Variants in MAML3 observed in about 807,000 individuals in gnomAD.
MAML3 encodes the protein mastermind-like protein 3.
A neutral mutation model predicts 101.9 loss-of-function variants in MAML3; 27 were observed. That is an observed-to-expected ratio of 0.27 (90% CI 0.20 to 0.37). MAML3 has a LOEUF of 0.37. MAML3 is among the 10% of genes least tolerant of loss of function. The pLI is 1.00. For missense variants in MAML3, 1,316 were observed against 1,444.9 expected (o/e 0.91, Z 1.45); for synonymous variants, 501 against 555.9 (o/e 0.90, Z 1.39).
At chr4:139,920,920 C>A (rs1046276353) in intron 1 of MAML3, among the ~76,000 whole-genome samples, 1 of 152,160 alleles carries the variant, frequency 6.6e-6, no homozygotes, top group Non-Finnish European at 1.5e-5. Context: ...GGAGAATAGG[C>A]CCTTGCACAC....
chr4:139,917,680 G>T (rs191586600), intron 1 of MAML3, among the ~76,000 whole-genome samples: 1 of 152,140 alleles, frequency 6.6e-6, no homozygotes, highest in Non-Finnish European at 1.5e-5. Flanking sequence ...TTTAAAAAAC[G>T]ATTAGAGAGA....
chr4:139,961,333 C>G (rs768512324), intron 1 of MAML3, among the ~76,000 whole-genome samples: 1 of 152,208 alleles, frequency 6.6e-6, no homozygotes, highest in South Asian at 2.1e-4. Context: ...ACAAATTATT[C>G]CTACTTTTCC....
rs1727488878 is a variant in MAML3 at position 140,063,873 on chromosome 4, T to C, written c.468+88987A>G. On this transcript the variant is annotated intron_variant, in intron 1 of 4. Transcript: ENST00000509479. ...TTTTGCTAAACATACGGTAGCACTA[T>C]GATACGTTGTGTGGTGCTCTCTAGA... Among the ~76,000 whole-genome samples, 3 of 152,344 alleles carry C rather than the reference T, an allele frequency of 2.0e-5. No individual in the cohort carries two copies. In the South Asian group the frequency reaches 6.2e-4, roughly 32 times the overall value.
At chr4:139,721,142 G>A (rs748201422) in intron 4 of MAML3, among the ~76,000 whole-genome samples, 2 of 152,192 alleles carry the variant, frequency 1.3e-5, no homozygotes, top group Non-Finnish European at 2.9e-5. Flanking sequence ...AATCGGCAAC[G>A]ACTATTTCTC....
chr4:140,141,396 G>T (rs144422034), intron 1 of MAML3, among the ~76,000 whole-genome samples: 3 of 152,194 alleles, frequency 2.0e-5, no homozygotes, highest in African/African-American at 7.2e-5. Context: ...GACTGGATTA[G>T]TCAGGGTAAT....
intron 1 of MAML3, among the ~76,000 whole-genome samples, chr4:140,038,837 T>C (rs1195779547): frequency 2.0e-5 from 3 of 152,080 alleles, no homozygotes; most frequent in Admixed American, 6.6e-5. Flanking sequence ...ACAGGAATAA[T>C]ACTAAGATAA....
At chr4:139,797,379 T>G (rs745407374) in intron 2 of MAML3, among the ~76,000 whole-genome samples, 1 of 152,264 alleles carries the variant, frequency 6.6e-6, no homozygotes, top group Non-Finnish European at 1.5e-5. Flanking sequence ...AAGCTAATAA[T>G]GTCACATGGC....
At chr4:140,055,338 C>A (rs1727334070) in intron 1 of MAML3, among the ~76,000 whole-genome samples, 1 of 152,112 alleles carries the variant, frequency 6.6e-6, no homozygotes, top group Non-Finnish European at 1.5e-5. Flanking sequence ...GTATGATAAA[C>A]CACCAGCACT....
chr4:139,786,953 T>G (rs2111086262), intron 2 of MAML3, among the ~76,000 whole-genome samples: 1 of 152,370 alleles, frequency 6.6e-6, no homozygotes, highest in South Asian at 2.1e-4. Flanking sequence ...CACCAGACTG[T>G]GCCTCAGAGA....
At position 140,127,235 on chromosome 4, in the gene MAML3, G is replaced by A. The variant is rs137930241; in HGVS notation, c.468+25625C>T. Among the ~76,000 whole-genome samples, 949 of 152,288 alleles carry A rather than the reference G, an allele frequency of 6.2e-3. 4 individuals carry two copies. The highest frequency in any genetic ancestry group is 0.019 in the Admixed American group (297 of 15,292). Reference sequence around the variant, plus strand: ...AGCACCAAAACACTCATGATTCCCTGCTCATGCCCTGTGTTTTGTACCTTC... The same window carrying A: ...AGCACCAAAACACTCATGATTCCCTACTCATGCCCTGTGTTTTGTACCTTC... On this transcript the variant is annotated intron_variant, in intron 1 of 4. Coordinates refer to ENST00000509479, the MANE Select transcript of MAML3 (RefSeq NM_018717.5).
At chr4:140,083,829 A>G (rs1578676208) in intron 1 of MAML3, among the ~76,000 whole-genome samples, 1 of 150,212 alleles carries the variant, frequency 6.7e-6, no homozygotes, top group African/African-American at 2.5e-5. Flanking sequence ...GGCCCACTCC[A>G]CTCCTCCTCC....
chr4:140,090,540 T>C (rs779095258), intron 1 of MAML3, among the ~76,000 whole-genome samples: 2 of 152,222 alleles, frequency 1.3e-5, no homozygotes, highest in Non-Finnish European at 2.9e-5. Flanking sequence ...TGGGTTATAC[T>C]GCTATCTCAT....
chr4:139,881,987 C>G (rs1206668022), intron 2 of MAML3, among the ~76,000 whole-genome samples: 1 of 152,110 alleles, frequency 6.6e-6, no homozygotes, highest in African/African-American at 2.4e-5. Flanking sequence ...AGCCACTGCT[C>G]CAGGCCTGGA....
intron 1 of MAML3, among the ~76,000 whole-genome samples, chr4:139,995,063 G>T (rs6841465): frequency 0.97 from 147,918 of 152,236 alleles, 72,026 homozygotes; most frequent in Middle Eastern, 1. Flanking sequence ...GAAATTTTCT[G>T]CTATTCCTAT....
chr4:139,746,550 G>C (rs777771483), intron 2 of MAML3, among the ~76,000 whole-genome samples: 4 of 152,116 alleles, frequency 2.6e-5, no homozygotes, highest in African/African-American at 9.7e-5. Context: ...TCACCTATTT[G>C]TTCTGTCTTC....
intron 1 of MAML3, among the ~76,000 whole-genome samples, chr4:140,091,850 A>G (rs1728057623): frequency 6.6e-6 from 1 of 151,880 alleles, no homozygotes; most frequent in Admixed American, 6.6e-5. Context: ...CTCTTCGAGG[A>G]CTGCAACCTT....
chr4:140,099,624 T>G (rs1421968672), intron 1 of MAML3, among the ~76,000 whole-genome samples: 1 of 152,164 alleles, frequency 6.6e-6, no homozygotes, highest in East Asian at 1.9e-4. Context: ...GCTAGGAGGT[T>G]TTTAAACATC....
chr4:139,770,195 G>A (rs1729947982), intron 2 of MAML3, among the ~76,000 whole-genome samples: 1 of 152,202 alleles, frequency 6.6e-6, no homozygotes, highest in Non-Finnish European at 1.5e-5. Context: ...GCCTCCCAAA[G>A]TACGGGCATT....
At chr4:139,946,244 T>C (rs1190734600) in intron 1 of MAML3, among the ~76,000 whole-genome samples, 1 of 152,220 alleles carries the variant, frequency 6.6e-6, no homozygotes, top group East Asian at 1.9e-4. Context: ...AGATAATATA[T>C]GCATCAGTTT....
Sources: allele counts gnomAD v4.1 joint callset (sites outside exome capture counted in the v4.1 genomes callset), GRCh38; gene constraint gnomAD v4.1.1; transcripts MANE v1.5; gene names NCBI Gene and HGNC (gene_info 2026-07-23, HGNC 2026-07-21).